Variants in MGAT4C observed in about 807,000 individuals in gnomAD.
MGAT4C encodes alpha-1,3-mannosyl-glycoprotein 4-beta-N-acetylglucosaminyltransferase C.
In MGAT4C, 19 loss-of-function variants were observed where a neutral mutation model predicts 40.1. The observed-to-expected ratio is 0.47, with a 90% CI of 0.33 to 0.70. The LOEUF is 0.70. Among genes scored for constraint, MGAT4C ranks in the 30% least tolerant of loss-of-function variants. The probability of loss-of-function intolerance (pLI) is 0.02; values close to 1 mark genes in which losing one functional copy is unlikely to be tolerated. For missense variants in MGAT4C, 491 were observed against 563.2 expected (o/e 0.87, Z 1.30); for synonymous variants, 181 against 187.1 (o/e 0.97, Z 0.27).
At chr12:86,563,408 C>A (rs1959957422) in intron 2 of MGAT4C, among the ~76,000 whole-genome samples, 1 of 152,132 alleles carries the variant, frequency 6.6e-6, no homozygotes, top group Non-Finnish European at 1.5e-5. Flanking sequence ...GATAAGAAGC[C>A]TACTGCATTC....
At chr12:86,447,990 G>A (rs538020611) in intron 2 of MGAT4C, among the ~76,000 whole-genome samples, 37 of 152,192 alleles carry the variant, frequency 2.4e-4, no homozygotes, top group African/African-American at 8.2e-4. Context: ...TGCTGCATGC[G>A]TCTGAGATGT....
intron 2 of MGAT4C, among the ~76,000 whole-genome samples, chr12:86,555,463 T>C (rs1362988133): frequency 6.6e-6 from 1 of 151,986 alleles, no homozygotes; most frequent in Non-Finnish European, 1.5e-5. Context: ...GGGTCCAGGG[T>C]CTAAAACCCT....
At chr12:86,562,142 C>T (rs190705699) in intron 2 of MGAT4C, among the ~76,000 whole-genome samples, 1 of 152,116 alleles carries the variant, frequency 6.6e-6, no homozygotes, top group Non-Finnish European at 1.5e-5. Flanking sequence ...AAATGAAATT[C>T]TCAGGGTTTC....
intron 2 of MGAT4C, among the ~76,000 whole-genome samples, chr12:86,538,009 C>G (rs1959103586): frequency 6.6e-6 from 1 of 152,150 alleles, no homozygotes; most frequent in African/African-American, 2.4e-5. Context: ...ATCACTTGAA[C>G]CTGGGAGGTG....
intron 1 of MGAT4C, among the ~76,000 whole-genome samples, chr12:86,816,706 G>C (rs967132425): frequency 6.6e-6 from 1 of 151,596 alleles, no homozygotes; most frequent in Non-Finnish European, 1.5e-5. Context: ...GAATATTTTT[G>C]TGTGTTAATG....
intron 1 of MGAT4C, among the ~76,000 whole-genome samples, chr12:86,754,420 G>C (rs550256146): frequency 2.0e-5 from 3 of 152,008 alleles, no homozygotes; most frequent in African/African-American, 7.2e-5. Context: ...AGTTTTATGG[G>C]TGTATACATA....
At chr12:86,276,509 G>T (rs1396754111) in intron 4 of MGAT4C, among the ~76,000 whole-genome samples, 1 of 152,022 alleles carries the variant, frequency 6.6e-6, no homozygotes, top group Non-Finnish European at 1.5e-5. Context: ...ATAGTAGAAG[G>T]TATTCATTTT....
chr12:86,813,698 C>A (rs1455343063), intron 1 of MGAT4C, among the ~76,000 whole-genome samples: 2 of 152,070 alleles, frequency 1.3e-5, no homozygotes, highest in South Asian at 4.2e-4. Context: ...TATAAAATCA[C>A]CTTGTTCAGT....
At chr12:86,423,649 C>T (rs932715930) in intron 3 of MGAT4C, among the ~76,000 whole-genome samples, 2 of 152,030 alleles carry the variant, frequency 1.3e-5, no homozygotes, top group Admixed American at 6.6e-5. Context: ...CTGGAAATGA[C>T]TCATGGTAGA....
At chr12:86,832,631 C>A (rs1408243443) in intron 1 of MGAT4C, among the ~76,000 whole-genome samples, 2 of 151,732 alleles carry the variant, frequency 1.3e-5, no homozygotes, top group African/African-American at 4.8e-5. Flanking sequence ...TATTTTTCTA[C>A]ATTTTTATAG....
At chr12:86,207,703 C>T (rs962901224) in intron 1 of MGAT4C, among the ~76,000 whole-genome samples, 5 of 152,072 alleles carry the variant, frequency 3.3e-5, no homozygotes, top group African/African-American at 1.2e-4. Context: ...CCTGCAATAA[C>T]TTATGTAGGT....
At chr12:86,300,119 G>T (rs1214909558) in intron 4 of MGAT4C, among the ~76,000 whole-genome samples, 2 of 152,130 alleles carry the variant, frequency 1.3e-5, no homozygotes, top group Non-Finnish European at 2.9e-5. Flanking sequence ...AAGGATTTGT[G>T]TGAGTTGGGT....
At chr12:86,145,144 A>T (rs1403348360) in intron 1 of MGAT4C, among the ~76,000 whole-genome samples, 7 of 152,186 alleles carry the variant, frequency 4.6e-5, no homozygotes, top group Non-Finnish European at 2.9e-5. Flanking sequence ...TAAGAAATAG[A>T]TCTCTAAAAC....
At chr12:86,250,658 T>C (rs1176463044) in intron 1 of MGAT4C, among the ~76,000 whole-genome samples, 4 of 152,156 alleles carry the variant, frequency 2.6e-5, no homozygotes, top group African/African-American at 9.6e-5. Flanking sequence ...TATAAGACTT[T>C]CTATTTTATT....
intron 1 of MGAT4C, among the ~76,000 whole-genome samples, chr12:86,252,597 G>C (rs78980860): frequency 0.019 from 2,941 of 151,956 alleles, 79 homozygotes; most frequent in African/African-American, 0.067. Context: ...ACTAGCATTA[G>C]TAGCTACCAA....
intron 1 of MGAT4C, among the ~76,000 whole-genome samples, chr12:86,239,161 G>A (rs1402217040): frequency 6.6e-6 from 1 of 151,996 alleles, no homozygotes; most frequent in Non-Finnish European, 1.5e-5. Flanking sequence ...CAAAAAGGTT[G>A]TCAGAGACCA....
At chr12:86,381,180 T>A (rs1592766711) in intron 3 of MGAT4C, among the ~76,000 whole-genome samples, 1 of 152,126 alleles carries the variant, frequency 6.6e-6, no homozygotes, top group East Asian at 1.9e-4. Context: ...TGTTCATTTG[T>A]CACGTGGCTG....
chr12:86,644,181 A>G (rs1963472573), intron 2 of MGAT4C, among the ~76,000 whole-genome samples: 1 of 151,672 alleles, frequency 6.6e-6, no homozygotes. Flanking sequence ...CAAGTTTGGA[A>G]AAAGATACAA....
chr12:86,340,298 T>C (rs1219444615), intron 3 of MGAT4C, among the ~76,000 whole-genome samples: 1 of 152,082 alleles, frequency 6.6e-6, no homozygotes, highest in African/African-American at 2.4e-5. Context: ...CAAGGCTTGA[T>C]TAAATACCAA....
Sources: allele counts gnomAD v4.1 joint callset (sites outside exome capture counted in the v4.1 genomes callset), GRCh38; gene constraint gnomAD v4.1.1; transcripts MANE v1.5; gene names NCBI Gene and HGNC (gene_info 2026-07-23, HGNC 2026-07-21).